ZNF407: variants seen among roughly 807,000 people sequenced by gnomAD.
ZNF407 encodes the protein zinc finger protein 407.
ZNF407 carries 17 observed loss-of-function variants against 131.2 expected under a neutral mutation model. The observed-to-expected ratio is 0.13, with a 90% CI of 0.09 to 0.19. The LOEUF (loss-of-function observed/expected upper bound fraction) is 0.19. ZNF407 is among the 10% of genes least tolerant of loss of function. The pLI is 1.00. For missense variants in ZNF407, 2,681 were observed against 2,830.6 expected (o/e 0.95, Z 1.20); for synonymous variants, 1,156 against 1,062.0 (o/e 1.09, Z -1.72).
intron 4 of ZNF407, among the ~76,000 whole-genome samples, chr18:74,812,784 T>TA (rs1970215579): frequency 2.0e-5 from 3 of 152,346 alleles, no homozygotes; most frequent in Admixed American, 2.0e-4. Flanking sequence ...TCCTTCTCCT[T>TA]ACTCTTTAGT....
chr18:74,730,690 T>A (rs535699293), intron 3 of ZNF407, among the ~76,000 whole-genome samples: 1 of 152,356 alleles, frequency 6.6e-6, no homozygotes, highest in African/African-American at 2.4e-5. Context: ...CTTGGCAACC[T>A]TGACCTTTGG....
intron 3 of ZNF407, among the ~76,000 whole-genome samples, chr18:74,737,049 C>T (rs889278015): frequency 3.3e-5 from 5 of 151,982 alleles, no homozygotes; most frequent in Middle Eastern, 3.2e-3. Context: ...AAAACTAGGT[C>T]GAAATGAAAA....
At chr18:74,782,844 C>T (rs1190968774) in intron 4 of ZNF407, among the ~76,000 whole-genome samples, 1 of 152,144 alleles carries the variant, frequency 6.6e-6, no homozygotes, top group South Asian at 2.1e-4. Flanking sequence ...TGGTCTCAAT[C>T]TCCTAATCTC....
chr18:74,828,584 CATTT>C (rs1970440596), intron 4 of ZNF407, among the ~76,000 whole-genome samples: 1 of 152,176 alleles, frequency 6.6e-6, no homozygotes, highest in Admixed American at 6.5e-5. Context: ...CAGAAGCATT[CATTT>C]GTTTTTAGCA....
chr18:75,064,037 G>A lies in ZNF407; in HGVS notation c.6316G>A (p.Val2106Met). The change falls in exon 9 of 9, where the codon GTG (valine) becomes ATG (methionine). Residue 2106 changes from valine (V) to methionine (M), a missense_variant. Around this residue, in one of 6 missense-constraint regions of ZNF407, gnomAD observed 620 missense variants for 583.1 expected, o/e 1.06. Coordinates refer to ENST00000299687, the MANE Select transcript of ZNF407 (RefSeq NM_017757.3). Reference sequence around the variant, plus strand: ...GGTCAAGGACGGTGTCACCCAGGTGGTGGTGAGCGAAGAGGGTGCCGTCCA... The same window carrying A: ...GGTCAAGGACGGTGTCACCCAGGTGATGGTGAGCGAAGAGGGTGCCGTCCA... Reference protein sequence around the residue: ...QLVKDGVTQVVVSEEGAVHMV... With the variant: ...QLVKDGVTQVMVSEEGAVHMV... 2 of 1,601,344 alleles carry A rather than the reference G, an allele frequency of 1.2e-6. No individual in the cohort carries two copies. Among genetic ancestry groups the A allele is most frequent in the Non-Finnish European group, 8.5e-7 (1 of 1,174,584 alleles).
At chr18:74,749,118 A>T (rs1042178479) in intron 3 of ZNF407, among the ~76,000 whole-genome samples, 5 of 152,200 alleles carry the variant, frequency 3.3e-5, no homozygotes, top group Non-Finnish European at 1.5e-5. Flanking sequence ...GGGGACTAAC[A>T]TTCAGCCCAC....
At chr18:74,839,710 C>T (rs749421) in intron 4 of ZNF407, among the ~76,000 whole-genome samples, 4,582 of 152,222 alleles carry the variant, frequency 0.03, 105 homozygotes, top group South Asian at 0.058. Context: ...TGTGGATACC[C>T]ACACTTTCAG....
intron 3 of ZNF407, among the ~76,000 whole-genome samples, chr18:74,716,004 C>T (rs1967885584): frequency 6.6e-6 from 1 of 152,188 alleles, no homozygotes; most frequent in African/African-American, 2.4e-5. Flanking sequence ...AGCCAGTGAA[C>T]CAGCTTTAGC....
intron 4 of ZNF407, among the ~76,000 whole-genome samples, chr18:74,864,818 A>G (rs17055785): frequency 0.074 from 11,281 of 152,272 alleles, 568 homozygotes; most frequent in Middle Eastern, 0.18. Context: ...TGTAGAAAAT[A>G]CAAGTGAAAT....
intron 8 of ZNF407, among the ~76,000 whole-genome samples, chr18:74,984,187 T>C (rs1568291661): frequency 1.3e-5 from 2 of 152,182 alleles, no homozygotes; most frequent in African/African-American, 4.8e-5. Context: ...GTGTACCTCG[T>C]TGTCCAGGTC....
chr18:74,885,282 A>G (rs2145190474), intron 6 of ZNF407, among the ~76,000 whole-genome samples: 2 of 152,356 alleles, frequency 1.3e-5, no homozygotes, highest in Admixed American at 1.3e-4. Context: ...CACCATATTT[A>G]AAGATAAAGT....
At chr18:74,643,718 T>C (rs1984830645) in intron 3 of ZNF407, among the ~76,000 whole-genome samples, 1 of 152,042 alleles carries the variant, frequency 6.6e-6, no homozygotes, top group Admixed American at 6.6e-5. Context: ...ATTTGTAATT[T>C]ACCTCTTTTT....
rs562093583 is a variant in ZNF407 at position 74,941,066 on chromosome 18, G to A, written c.5428+20374G>A. Among the ~76,000 whole-genome samples, 16 of 141,526 alleles carry A rather than the reference G, an allele frequency of 1.1e-4. No individual in the cohort carries two copies. In the South Asian group the frequency reaches 1.5e-3, roughly 13 times the overall value. 92.8% of individuals were successfully genotyped at this position (141,526 alleles called of 152,430 possible). A position where few individuals can be genotyped will look rare whatever the true frequency, so the allele number is the denominator to read the frequency against. ...AGTGCCCTAAGTGAATCCCAGTGGC[G>A]GAACCGGGCCCGTCCTTGCCTTGCC... On this transcript the variant is annotated intron_variant, in intron 8 of 8. Coordinates refer to ENST00000299687, the MANE Select transcript of ZNF407 (RefSeq NM_017757.3).
At chr18:74,679,835 T>A (rs1002564835) in intron 3 of ZNF407, among the ~76,000 whole-genome samples, 37 of 152,242 alleles carry the variant, frequency 2.4e-4, no homozygotes, top group African/African-American at 8.7e-4. Context: ...TTGTCTGTTT[T>A]ATAGATTGTA....
intron 8 of ZNF407, among the ~76,000 whole-genome samples, chr18:74,945,585 A>G (rs923482079): frequency 2.0e-5 from 3 of 152,204 alleles, no homozygotes; most frequent in Middle Eastern, 3.2e-3. Context: ...ACCATGTTTT[A>G]AAAGCCCTTG....
intron 8 of ZNF407, among the ~76,000 whole-genome samples, chr18:75,038,690 A>C (rs562087580): frequency 6.6e-6 from 1 of 152,234 alleles, no homozygotes; most frequent in African/African-American, 2.4e-5. Context: ...TGACACCACC[A>C]TTAACAATGG....
chr18:74,968,141 C>T (rs1452397574), intron 8 of ZNF407, among the ~76,000 whole-genome samples: 4 of 152,068 alleles, frequency 2.6e-5, no homozygotes, highest in African/African-American at 7.2e-5. Flanking sequence ...CTGGGGTGCT[C>T]CTTTTGGAGT....
intron 1 of ZNF407, among the ~76,000 whole-genome samples, chr18:74,611,079 A>C (rs1275774474): frequency 1.3e-5 from 2 of 152,254 alleles, no homozygotes; most frequent in Non-Finnish European, 2.9e-5. Flanking sequence ...ACCAAACAGG[A>C]AACTTCCTGA....
At chr18:74,609,026 T>C (rs1347367142) in intron 1 of ZNF407, among the ~76,000 whole-genome samples, 4 of 152,200 alleles carry the variant, frequency 2.6e-5, no homozygotes, top group Non-Finnish European at 4.4e-5. Context: ...TCTTTTGAGT[T>C]TGACTTTAAC....
Sources: allele counts gnomAD v4.1 joint callset (sites outside exome capture counted in the v4.1 genomes callset), GRCh38; gene constraint gnomAD v4.1.1; regional missense constraint gnomAD v4.1.1; transcripts MANE v1.5; gene names NCBI Gene and HGNC (gene_info 2026-07-23, HGNC 2026-07-21).